The following ERBB4 variants were observed in gnomAD, a reference collection of about 807,000 sequenced individuals.
ERBB4 encodes erb-b2 receptor tyrosine kinase 4, also known as receptor tyrosine-protein kinase erbB-4.
In ERBB4, 42 loss-of-function variants were observed where a neutral mutation model predicts 158.0. The ratio of observed to expected loss-of-function variants is 0.27; its 90% CI spans 0.21 to 0.34. The LOEUF is 0.34. Among genes scored for constraint, ERBB4 ranks in the 10% least tolerant of loss-of-function variants. The pLI is 1.00. For missense variants in ERBB4, 1,333 were observed against 1,624.1 expected (o/e 0.82, Z 3.08); for synonymous variants, 583 against 558.7 (o/e 1.04, Z -0.61).
At chr2:212,423,443 T>C (rs572120879) in intron 1 of ERBB4, among the ~76,000 whole-genome samples, 7 of 152,262 alleles carry the variant, frequency 4.6e-5, no homozygotes, top group African/African-American at 1.7e-4. Flanking sequence ...TTGGTAACCA[T>C]TGGCAAAATA....
chr2:212,181,020 G>A (rs1244738709), intron 1 of ERBB4, among the ~76,000 whole-genome samples: 2 of 151,558 alleles, frequency 1.3e-5, no homozygotes, highest in African/African-American at 2.4e-5. Flanking sequence ...GCTAACAACT[G>A]TTGATGATAT....
chr2:211,739,275 AT>A (rs79880577), intron 5 of ERBB4, among the ~76,000 whole-genome samples: 4,201 of 152,248 alleles, frequency 0.028, 256 homozygotes, highest in East Asian at 0.2. Context: ...TTTTTAAAAA[AT>A]GTCACCTTTG....
chr2:211,831,041 T>C (rs1014841099), intron 3 of ERBB4, among the ~76,000 whole-genome samples: 2 of 152,046 alleles, frequency 1.3e-5, no homozygotes, highest in Non-Finnish European at 2.9e-5. Context: ...TAAAAGCTTA[T>C]GCTAAATTAA....
chr2:211,976,735 T>A (rs1326986051), intron 2 of ERBB4, among the ~76,000 whole-genome samples: 1 of 152,086 alleles, frequency 6.6e-6, no homozygotes, highest in Non-Finnish European at 1.5e-5. Context: ...GTACAAAAAA[T>A]CATATCCAAA....
Position 211,420,475 on chromosome 2 carries a change from A to G in ERBB4, c.3101T>C (p.Ile1034Thr). The change falls in exon 25 of 28, where the codon ATC becomes ACC. Residue 1034 changes from isoleucine to threonine, a missense_variant. This residue lies in a region of ERBB4 where 252 missense variants were observed against 241.3 expected (regional missense o/e 1.04). Transcript: ENST00000342788. The part of the protein sequence containing the change: ...VPQAFNIPPP[I>T]YTSRARIDSN... ...GTCAATTCTTGCTCTGGAAGTATAGATGGGAGGTGGGATGTTGAAAGCCTG... is the reference window on the plus strand; with the variant it reads ...GTCAATTCTTGCTCTGGAAGTATAGGTGGGAGGTGGGATGTTGAAAGCCTG... 6.2e-7 allele frequency: 1 copy of G among 1,612,452 alleles called. No homozygotes were observed. Among genetic ancestry groups the G allele is most frequent in the Non-Finnish European group, 8.5e-7 (1 of 1,178,800 alleles).
At chr2:211,981,885 A>C (rs2081808771) in intron 2 of ERBB4, among the ~76,000 whole-genome samples, 2 of 152,118 alleles carry the variant, frequency 1.3e-5, no homozygotes, top group African/African-American at 4.8e-5. Context: ...GATACCTCTC[A>C]CTGAATGGAT....
intron 2 of ERBB4, among the ~76,000 whole-genome samples, chr2:212,069,434 A>G (rs1359322204): frequency 6.6e-6 from 1 of 152,080 alleles, no homozygotes; most frequent in East Asian, 1.9e-4. Flanking sequence ...ACGGACATCT[A>G]TAAAAAACCC....
At chr2:212,400,552 T>C (rs572362177) in intron 1 of ERBB4, among the ~76,000 whole-genome samples, 25 of 152,182 alleles carry the variant, frequency 1.6e-4, no homozygotes, top group Non-Finnish European at 3.1e-4. Context: ...ATAGTTCCCT[T>C]TTAGTCAGCA....
intron 16 of ERBB4, among the ~76,000 whole-genome samples, chr2:211,652,543 A>T (rs994943429): frequency 6.6e-6 from 1 of 152,256 alleles, no homozygotes; most frequent in Admixed American, 6.5e-5. Context: ...CAAGAATATC[A>T]TATCATCTCT....
intron 3 of ERBB4, among the ~76,000 whole-genome samples, chr2:211,795,938 A>G (rs2076373923): frequency 1.3e-5 from 2 of 151,954 alleles, no homozygotes; most frequent in Admixed American, 1.3e-4. Context: ...TAGTGACTCA[A>G]AAGAAACCTC....
At chr2:211,882,863 AC>A in intron 3 of ERBB4, among the ~76,000 whole-genome samples, 1 of 152,218 alleles carries the variant, frequency 6.6e-6, no homozygotes, top group African/African-American at 2.4e-5. Context: ...TCTTCACTTC[AC>A]TCAATCCATA....
intron 3 of ERBB4, among the ~76,000 whole-genome samples, chr2:211,902,447 GTT>G (rs2079261427): frequency 6.6e-6 from 1 of 151,842 alleles, no homozygotes; most frequent in African/African-American, 2.4e-5. Context: ...GTACAAAATA[GTT>G]ATTGGCAGCT....
chr2:211,562,769 C>CTTTTTTTTTTTTTTTTTTTTTTTT lies in ERBB4; in HGVS notation c.2302-682_2302-681insAAAAAAAAAAAAAAAAAAAAAAAA, dbSNP rs367801279. On this transcript the variant is annotated intron_variant, in intron 19 of 27. Transcript: ENST00000342788. Reference sequence around the variant, plus strand: ...GACTATAAAAATTTGACTACTCCAACTTTTTTTTTTTTTTTTTTTTGAGAC... The same window carrying CTTTTTTTTTTTTTTTTTTTTTTTT: ...GACTATAAAAATTTGACTACTCCAACTTTTTTTTTTTTTTTTTTTTTTTTTTTTTTTTTTTTTTTTTTTTGAGAC... Among the ~76,000 whole-genome samples the CTTTTTTTTTTTTTTTTTTTTTTTT allele has an allele frequency of 6.6e-4, 83 of 125,700 alleles. 5 individuals carry two copies. The highest frequency in any genetic ancestry group is 1.1e-3 in the Non-Finnish European group (71 of 62,140). The allele number at this position is 125,700 out of a possible 152,430, so 82.5% of individuals were successfully genotyped here.
At chr2:211,425,477 C>A (rs1349456582) in intron 22 of ERBB4, among the ~76,000 whole-genome samples, 1 of 151,828 alleles carries the variant, frequency 6.6e-6, no homozygotes, top group Non-Finnish European at 1.5e-5. Context: ...TACCTAGTGA[C>A]AATTTAATTG....
At chr2:212,381,709 G>T (rs919133900) in intron 1 of ERBB4, among the ~76,000 whole-genome samples, 2 of 151,184 alleles carry the variant, frequency 1.3e-5, no homozygotes, top group Non-Finnish European at 3.0e-5. Context: ...CAGTTGAGCT[G>T]TCTAGGCATC....
intron 25 of ERBB4, among the ~76,000 whole-genome samples, chr2:211,415,136 A>G (rs1193129658): frequency 1.1e-4 from 2 of 17,634 alleles, no homozygotes; most frequent in Non-Finnish European, 2.6e-4. Context: ...TTTTTTTTTG[A>G]GACGGAGTCT....
chr2:211,864,969 T>C (rs746009819), intron 3 of ERBB4, among the ~76,000 whole-genome samples: 6 of 151,982 alleles, frequency 3.9e-5, no homozygotes, highest in Non-Finnish European at 7.4e-5. Flanking sequence ...CAAGATTGAG[T>C]CACTGTACTC....
At chr2:211,713,441 G>T (rs1575033525) in intron 8 of ERBB4, 94 bp downstream of exon 8, 1 of 758,332 alleles carries the variant, frequency 1.3e-6, no homozygotes, top group East Asian at 2.6e-5. Flanking sequence ...TTGTGAGAGT[G>T]GGTTTATATT....
chr2:211,963,223 T>C (rs1330608959), intron 2 of ERBB4, among the ~76,000 whole-genome samples: 1 of 152,064 alleles, frequency 6.6e-6, no homozygotes, highest in Non-Finnish European at 1.5e-5. Flanking sequence ...AGGGTGATAC[T>C]GGCATCTAGT....
Sources: allele counts gnomAD v4.1 joint callset (sites outside exome capture counted in the v4.1 genomes callset), GRCh38; gene constraint gnomAD v4.1.1; regional missense constraint gnomAD v4.1.1; transcripts MANE v1.5; gene names NCBI Gene and HGNC (gene_info 2026-07-23, HGNC 2026-07-21).